The following CNTNAP2 variants were observed in gnomAD, a reference collection of about 807,000 sequenced individuals.
CNTNAP2 encodes contactin associated protein 2.
CNTNAP2 carries 98 observed loss-of-function variants against 155.2 expected under a neutral mutation model. That is an observed-to-expected ratio of 0.63 (90% CI 0.54 to 0.75). The LOEUF is 0.75. Ranked by LOEUF, CNTNAP2 falls within the 30% of genes least tolerant of loss-of-function variation. The pLI, the probability that CNTNAP2 is intolerant of heterozygous loss-of-function variation, is 0.00. For synonymous variants in CNTNAP2, 651 were observed against 631.2 expected, an observed-to-expected ratio of 1.03 and a Z score of -0.47; for missense variants, 1,727 against 1,688.1, an observed-to-expected ratio of 1.02 and a Z score of -0.40.
At chr7:147,399,735 A>G (rs1796880766) in intron 10 of CNTNAP2, among the ~76,000 whole-genome samples, 1 of 152,204 alleles carries the variant, frequency 6.6e-6, no homozygotes, top group Admixed American at 6.5e-5. Flanking sequence ...GCAGGTTTAC[A>G]CAATAAACCT....
intron 1 of CNTNAP2, among the ~76,000 whole-genome samples, chr7:146,308,815 C>A (rs758082237): frequency 6.6e-6 from 1 of 151,516 alleles, no homozygotes; most frequent in Non-Finnish European, 1.5e-5. Flanking sequence ...CATCACATAC[C>A]GGGGCCTGTT....
At chr7:148,108,493 A>G (rs6464854) in intron 15 of CNTNAP2, among the ~76,000 whole-genome samples, 66,249 of 151,892 alleles carry the variant, frequency 0.44, 16,622 homozygotes, top group East Asian at 0.75. Flanking sequence ...AGAGGAGTAA[A>G]CCAGCTGAGG....
chr7:146,858,829 A>G (rs944638659), intron 3 of CNTNAP2, among the ~76,000 whole-genome samples: 2 of 152,332 alleles, frequency 1.3e-5, no homozygotes, highest in South Asian at 2.1e-4. Context: ...ATTATTTAAT[A>G]TTCTTCTCCT....
intron 1 of CNTNAP2, among the ~76,000 whole-genome samples, chr7:146,399,939 C>T (rs1724531): frequency 0.12 from 18,815 of 152,068 alleles, 1,630 homozygotes; most frequent in African/African-American, 0.24. Context: ...TATACTAATT[C>T]TGTTAGTATA....
intron 3 of CNTNAP2, among the ~76,000 whole-genome samples, chr7:146,878,134 A>G (rs945302702): frequency 1.2e-4 from 19 of 152,076 alleles, no homozygotes; most frequent in African/African-American, 4.1e-4. Context: ...TGTTAATGCA[A>G]CCACTTCAAT....
intron 14 of CNTNAP2, among the ~76,000 whole-genome samples, chr7:147,939,622 T>G (rs980914841): frequency 3.9e-5 from 6 of 152,162 alleles, no homozygotes; most frequent in African/African-American, 7.2e-5. Flanking sequence ...CCACCACGCC[T>G]GGCCTCATGT....
At chr7:148,331,716 C>G (rs28655040) in intron 21 of CNTNAP2, among the ~76,000 whole-genome samples, 6 of 32,354 alleles carry the variant, frequency 1.9e-4, no homozygotes, top group South Asian at 6.9e-4. Context: ...ATGGAGTGGA[C>G]GGATGGATTG....
intron 3 of CNTNAP2, among the ~76,000 whole-genome samples, chr7:146,992,077 G>T (rs963990889): frequency 6.6e-6 from 1 of 152,106 alleles, no homozygotes; most frequent in East Asian, 1.9e-4. Context: ...CCCTTGGAGG[G>T]TTTCTGCTAT....
intron 11 of CNTNAP2, among the ~76,000 whole-genome samples, chr7:147,538,356 C>A (rs1242490822): frequency 6.6e-6 from 1 of 152,028 alleles, no homozygotes; most frequent in Non-Finnish European, 1.5e-5. Flanking sequence ...CAAACAACAA[C>A]AAAAAACACA....
rs548327372 is a variant in CNTNAP2 at position 147,895,678 on chromosome 7, C to T, written c.2099-7887C>T. Reference sequence around the variant, plus strand: ...TTAAAAAAGCTTTCCATTTTTATTGCCTTTAACTGCTATTCCCCAAAGCCA... The same window carrying T: ...TTAAAAAAGCTTTCCATTTTTATTGTCTTTAACTGCTATTCCCCAAAGCCA... On this transcript the variant is annotated intron_variant, in intron 13 of 23. Coordinates refer to ENST00000361727, the MANE Select transcript of CNTNAP2 (RefSeq NM_014141.6). 1.3e-3 allele frequency among the ~76,000 whole-genome samples: 197 copies of T among 152,260 alleles called. 1 individual carries two copies. The highest frequency in any genetic ancestry group is 4.5e-3 in the African/African-American group (186 of 41,546).
intron 12 of CNTNAP2, among the ~76,000 whole-genome samples, chr7:147,600,777 C>G (rs554516988): frequency 3.0e-4 from 46 of 152,124 alleles, no homozygotes; most frequent in African/African-American, 9.4e-4. Context: ...TCTTCCTTCC[C>G]CCTCCTACTA....
chr7:146,785,235 A>G (rs1802555930), intron 2 of CNTNAP2, among the ~76,000 whole-genome samples: 1 of 152,030 alleles, frequency 6.6e-6, no homozygotes, highest in Admixed American at 6.5e-5. Context: ...TGGCCTCCCA[A>G]AGTGCTAGGA....
intron 1 of CNTNAP2, among the ~76,000 whole-genome samples, chr7:146,409,560 GATAA>G (rs1368976157): frequency 1.3e-5 from 2 of 152,048 alleles, no homozygotes; most frequent in African/African-American, 2.4e-5. Flanking sequence ...ATGTCAATAT[GATAA>G]ATAAATGATA....
At chr7:146,322,634 C>CTTTTT (rs56287346) in intron 1 of CNTNAP2, among the ~76,000 whole-genome samples, 1,183 of 64,890 alleles carry the variant, frequency 0.018, 129 homozygotes, top group African/African-American at 0.063. Flanking sequence ...TGTTCATTCT[C>CTTTTT]TTTTTTTTTT....
chr7:148,055,760 T>C (rs1391443450), intron 15 of CNTNAP2, among the ~76,000 whole-genome samples: 1 of 151,918 alleles, frequency 6.6e-6, no homozygotes, highest in African/African-American at 2.4e-5. Context: ...AGCATTGCAG[T>C]TAAGAAGGAA....
chr7:147,321,978 G>T (rs1795359805), intron 9 of CNTNAP2, among the ~76,000 whole-genome samples: 1 of 152,194 alleles, frequency 6.6e-6, no homozygotes. Flanking sequence ...AGAGAATATA[G>T]AATTAGACTG....
intron 13 of CNTNAP2, among the ~76,000 whole-genome samples, chr7:147,826,728 G>A (rs1040343102): frequency 6.6e-6 from 1 of 152,064 alleles, no homozygotes; most frequent in Non-Finnish European, 1.5e-5. Context: ...TAAAGAAAAA[G>A]GGCTTGGAAT....
chr7:146,388,558 G>T (rs1423656637), intron 1 of CNTNAP2, among the ~76,000 whole-genome samples: 2 of 152,070 alleles, frequency 1.3e-5, no homozygotes, highest in Non-Finnish European at 2.9e-5. Flanking sequence ...GCACATCATG[G>T]GGAATGGGGG....
intron 8 of CNTNAP2, among the ~76,000 whole-genome samples, chr7:147,228,742 G>T (rs1164602564): frequency 6.8e-6 from 1 of 147,860 alleles, no homozygotes; most frequent in Non-Finnish European, 1.5e-5. Flanking sequence ...GTGCCATGGT[G>T]GTTTGCTGCA....
Sources: gnomAD v4.1 joint callset for allele counts (sites outside exome capture counted in the v4.1 genomes callset) on GRCh38, gnomAD v4.1.1 for gene constraint, MANE v1.5 for transcripts, NCBI Gene and HGNC (gene_info 2026-07-23, HGNC 2026-07-21) for gene names.